The following NPIPB11 variants were observed in gnomAD, a reference collection of about 807,000 sequenced individuals.
NPIPB11 encodes the protein nuclear pore complex interacting protein family member B11, also known as nuclear pore complex-interacting protein family member B11.
NPIPB11 carries 17 observed loss-of-function variants against 32.8 expected under a neutral mutation model. The ratio of observed to expected loss-of-function variants is 0.52; its 90% CI spans 0.35 to 0.78. The LOEUF (loss-of-function observed/expected upper bound fraction) is 0.78, where lower values mean the gene tolerates loss of function less well. Ranked by LOEUF, NPIPB11 falls within the 30% of genes least tolerant of loss-of-function variation. NPIPB11 has a pLI of 0.01. For missense variants in NPIPB11, 537 were observed against 1,000.4 expected (o/e 0.54, Z 6.25); for synonymous variants, 209 against 398.4 (o/e 0.52, Z 5.66).
intron 2 of NPIPB11, among the ~76,000 whole-genome samples, chr16:29,399,159 C>A (rs1409113956): frequency 6.6e-6 from 1 of 151,992 alleles, no homozygotes. Context: ...CAGGACAGAC[C>A]CCCACTGTCC....
chr16:29,397,286 A>C (rs1429471433), intron 2 of NPIPB11, among the ~76,000 whole-genome samples: 1 of 150,996 alleles, frequency 6.6e-6, no homozygotes, highest in Non-Finnish European at 1.5e-5. Context: ...GGCTCACTGC[A>C]ACGTCCAGCT....
intron 3 of NPIPB11, among the ~76,000 whole-genome samples, chr16:29,393,374 T>A (rs1046819217): frequency 6.6e-6 from 1 of 151,286 alleles, no homozygotes; most frequent in Non-Finnish European, 1.5e-5. Context: ...CTCTTTCATT[T>A]CCCCTAAAAA....
exon 8 of NPIPB11, chr16:29,384,165 A>G (rs1389087766): frequency 1.3e-6 from 2 of 1,569,410 alleles, no homozygotes; most frequent in Non-Finnish European, 1.7e-6. Context: ...GTTATCAGTT[A>G]TACAATGTTG....
At chr16:29,402,470 C>T (rs1388354159) in intron 2 of NPIPB11, among the ~76,000 whole-genome samples, 2 of 104,592 alleles carry the variant, frequency 1.9e-5, no homozygotes, top group African/African-American at 4.8e-5. Context: ...TTTGGGAGGC[C>T]ACGGTGGGCA....
At chr16:29,389,731 T>A (rs1963665309) in intron 5 of NPIPB11, among the ~76,000 whole-genome samples, 1 of 136,022 alleles carries the variant, frequency 7.4e-6, no homozygotes, top group South Asian at 2.7e-4. Context: ...TACTAGCAAC[T>A]CCTCTTCCCC....
intron 2 of NPIPB11, among the ~76,000 whole-genome samples, chr16:29,402,724 C>CTGTGTGTGTGTGTGTG (rs71214272): frequency 3.6e-4 from 43 of 119,668 alleles, no homozygotes; most frequent in East Asian, 2.3e-3. Flanking sequence ...CTCTCTCTCT[C>CTGTGTGTGTGTGTGTG]TGTGTGTGTG....
At chr16:29,397,512 C>T (rs1484438031) in intron 2 of NPIPB11, 64 of 1,481,742 alleles carry the variant, frequency 4.3e-5, no homozygotes, top group Admixed American at 1.8e-4. Context: ...AATTTCATGC[C>T]GCGTGACACA....
chr16:29,399,858 C>CACGTCCTA (rs1963947215), intron 2 of NPIPB11, among the ~76,000 whole-genome samples: 1 of 152,048 alleles, frequency 6.6e-6, no homozygotes, highest in South Asian at 2.1e-4. Flanking sequence ...GCAGGCGCAT[C>CACGTCCTA]ACGAGGTTAG....
chr16:29,405,795 TA>T (rs1442167540), upstream of NPIPB11, among the ~76,000 whole-genome samples: 2 of 152,128 alleles, frequency 1.3e-5, no homozygotes, highest in East Asian at 3.8e-4. Flanking sequence ...TTCTGGTGAG[TA>T]AAGATGGCAT....
chr16:29,401,248 G>A (rs1234699113), intron 2 of NPIPB11, among the ~76,000 whole-genome samples: 2 of 152,036 alleles, frequency 1.3e-5, no homozygotes, highest in South Asian at 2.1e-4. Context: ...TTAACTTAAA[G>A]GAACTAAAAT....
chr16:29,383,154 G>C (rs762807244), exon 8 of NPIPB11: 9 of 1,596,372 alleles, frequency 5.6e-6, no homozygotes, highest in Admixed American at 1.7e-5. Context: ...CATCCGCTGA[G>C]GGTGGAAGCG....
intron 2 of NPIPB11, among the ~76,000 whole-genome samples, chr16:29,402,816 T>A (rs1374721515): frequency 2.1e-5 from 3 of 144,306 alleles, no homozygotes; most frequent in African/African-American, 8.0e-5. Flanking sequence ...ATTATCATTT[T>A]AAAAGACAAG....
chr16:29,389,367 TAAAAAAAA>T (rs1175211779), intron 5 of NPIPB11, among the ~76,000 whole-genome samples: 2 of 58,656 alleles, frequency 3.4e-5, no homozygotes. Flanking sequence ...ATCTCAAAAT[TAAAAAAAA>T]AAAAAAAAAA....
chr16:29,399,475 G>C lies in NPIPB11; in HGVS notation c.120+4208C>G, dbSNP rs1402733226. Among the ~76,000 whole-genome samples, 9 of 149,604 alleles carry C rather than the reference G, an allele frequency of 6.0e-5. No individual in the cohort carries two copies. In the East Asian group the frequency reaches 1.8e-3, roughly 29 times the overall value. ...CCAGCACTTTGGGAGGCCGAGGTGG[G>C]TGGATCACAAGGTCAGGAGTTCCAG... is the stretch of plus-strand genomic sequence containing the variant. On this transcript the variant is annotated intron_variant, in intron 2 of 7. Coordinates refer to ENST00000524087, the Ensembl canonical transcript of NPIPB11.
chr16:29,402,930 A>G lies in NPIPB11; in HGVS notation c.120+753T>C, dbSNP rs539818578. Among the ~76,000 whole-genome samples, 35 of 145,502 alleles carry G rather than the reference A, an allele frequency of 2.4e-4. No homozygotes were observed. The East Asian group carries it at 7.0e-3, about 29-fold the overall frequency. The stretch of plus-strand genomic sequence containing the variant: ...AAGGAGAATAAAAAATATGTATTAC[A>G]TGTTGTAAAATAAATGTGATGTGGT... On this transcript the variant is annotated intron_variant, in intron 2 of 7. Transcript: ENST00000524087.
intron 5 of NPIPB11, among the ~76,000 whole-genome samples, chr16:29,389,668 G>GAAAAAAAAAAAAA (rs1160526743): frequency 1.2e-4 from 2 of 17,300 alleles, no homozygotes; most frequent in African/African-American, 5.6e-4. Flanking sequence ...TCCATCTCAG[G>GAAAAAAAAAAAAA]AAAAAAAAAA....
chr16:29,390,213 C>A, intron 4 of NPIPB11, 36 bp downstream of exon 4: 1 of 1,583,288 alleles, frequency 6.3e-7, no homozygotes, highest in Non-Finnish European at 8.6e-7. Flanking sequence ...AGGGCAAACT[C>A]ATTTCCACAC....
intron 2 of NPIPB11, among the ~76,000 whole-genome samples, chr16:29,402,714 CTCTCTCTCTCTGTGTG>C (rs1357835088): frequency 7.9e-6 from 1 of 126,736 alleles, no homozygotes; most frequent in African/African-American, 3.5e-5. Context: ...CTCTCTCTCT[CTCTCTCTCTCTGTGTG>C]TGTGTGTGTG....
chr16:29,393,082 G>T (rs1489240717), intron 3 of NPIPB11, among the ~76,000 whole-genome samples: 1 of 150,570 alleles, frequency 6.6e-6, no homozygotes, highest in South Asian at 2.1e-4. Context: ...ACAAATTATG[G>T]TACAACTTAG....
Sources: allele counts gnomAD v4.1 joint callset (sites outside exome capture counted in the v4.1 genomes callset), GRCh38; gene constraint gnomAD v4.1.1; transcripts MANE v1.5; gene names NCBI Gene and HGNC (gene_info 2026-07-23, HGNC 2026-07-21).